Variants in TRPV3 observed in about 807,000 individuals in gnomAD.
TRPV3 encodes transient receptor potential cation channel subfamily V member 3, also known as VRL-3.
In TRPV3, 88 loss-of-function variants were observed where a neutral mutation model predicts 87.1. That is an observed-to-expected ratio of 1.01 (90% CI 0.85 to 1.21). TRPV3 has a LOEUF of 1.21. Among genes scored for constraint, TRPV3 ranks in the 50% most tolerant of loss-of-function variants. The probability of loss-of-function intolerance (pLI) is 0.00; values close to 1 mark genes in which losing one functional copy is unlikely to be tolerated. For synonymous variants in TRPV3, 438 were observed against 423.3 expected (o/e 1.03, Z -0.43); for missense variants, 1,054 against 1,030.1 (o/e 1.02, Z -0.32).
Position 3,512,292 on chromosome 17 carries a change from G to C in TRPV3, c.*1625C>G, listed in dbSNP as rs886052847. On this transcript the variant is annotated 3_prime_UTR_variant, in exon 18 of 18. Transcript: ENST00000576742. ...CACGCGATTACTCCCTGGGTCAGCT[G>C]GGAGGGCAGGGGCTGCTGTGGATTG... 5 of 147,382 alleles carry C rather than the reference G, an allele frequency of 3.4e-5. No individual in the cohort carries two copies. The highest frequency in any genetic ancestry group is 2.1e-4 in the Admixed American group (3 of 14,396). 9.1% of individuals were successfully genotyped at this position (147,382 alleles called of 1,614,324 possible). A position where few individuals can be genotyped will look rare whatever the true frequency, so the allele number is the denominator to read the frequency against.
chr17:3,533,559 T>C (rs893644223), intron 7 of TRPV3, among the ~76,000 whole-genome samples: 1 of 150,074 alleles, frequency 6.7e-6, no homozygotes, highest in Non-Finnish European at 1.5e-5. Context: ...AGTGCAGTGG[T>C]GCGATCTCGC....
chr17:3,543,527 A>G lies in TRPV3; in HGVS notation c.413T>C (p.Leu138Ser). ...GCAAAGCTCCTGCAGCTCCACCAGCAACTCTACCAACTCCTCCACGCAGCC... is the reference window on the plus strand; with the variant it reads ...GCAAAGCTCCTGCAGCTCCACCAGCGACTCTACCAACTCCTCCACGCAGCC... ...SEGCVEELVE[L>S]LVELQELCRR... The change falls in exon 5 of 18, where the codon TTG becomes TCG. Residue 138 changes from leucine (L) to serine (S), a missense_variant. Physicochemically the swap from Leu to Ser is moderately radical, Grantham distance 145. Transcript: ENST00000576742. 3 of 1,614,018 alleles carry G rather than the reference A, an allele frequency of 1.9e-6. No homozygotes were observed. Among genetic ancestry groups the G allele is most frequent in the Non-Finnish European group, 2.5e-6 (3 of 1,180,030 alleles).
Position 3,530,210 on chromosome 17 carries a change from C to T in TRPV3, c.1066-7G>A. 2.5e-6 allele frequency: 4 copies of T among 1,607,668 alleles called. No individual in the cohort carries two copies. Among genetic ancestry groups the T allele is most frequent in the Non-Finnish European group, 3.4e-6 (4 of 1,176,120 alleles). On this transcript the variant is annotated splice_region_variant and splice_polypyrimidine_tract_variant and intron_variant, in intron 8 of 17. Coordinates refer to ENST00000576742, the MANE Select transcript of TRPV3 (RefSeq NM_145068.4). This position sits in a 1 kb window ranked among gnomAD's most constrained non-coding sequence, Gnocchi z 4.0. ...TGAGGATGTACTTCAGGATCTGGGA[C>T]AGGAGGAGGAACAACCATCAGCTGC...
intron 6 of TRPV3, among the ~76,000 whole-genome samples, chr17:3,538,776 G>T (rs930688006): frequency 2.0e-5 from 3 of 152,094 alleles, no homozygotes; most frequent in African/African-American, 7.2e-5. Context: ...GTAGAGATGG[G>T]TTTTCACCAT....
intron 16 of TRPV3, among the ~76,000 whole-genome samples, chr17:3,515,498 T>G (rs1258373733): frequency 2.0e-5 from 3 of 151,942 alleles, no homozygotes; most frequent in Non-Finnish European, 4.4e-5. Context: ...TCGTCTCTAA[T>G]AAAAATACAA....
chr17:3,525,150 G>A (rs1267231425), intron 12 of TRPV3, among the ~76,000 whole-genome samples: 1 of 151,128 alleles, frequency 6.6e-6, no homozygotes, highest in African/African-American at 2.4e-5. Flanking sequence ...CTCCCTAGTA[G>A]CTGGGATTAC....
intron 12 of TRPV3, 87 bp downstream of exon 12, chr17:3,526,767 A>T: frequency 9.4e-7 from 1 of 1,066,006 alleles, no homozygotes; most frequent in Non-Finnish European, 1.4e-6. Flanking sequence ...ACAGTAGGAT[A>T]TTTGTTCAAG....
At chr17:3,543,440 A>G (rs1259695194) in intron 5 of TRPV3, 34 bp downstream of exon 5, 2 of 1,607,566 alleles carry the variant, frequency 1.2e-6, no homozygotes, top group Non-Finnish European at 1.7e-6. Flanking sequence ...CAGGGCCCCC[A>G]GCCCTGCACC....
At chr17:3,546,661 G>C (rs2150804289) in intron 2 of TRPV3, 1 of 456,080 alleles carries the variant, frequency 2.2e-6, no homozygotes, top group Non-Finnish European at 4.4e-6. Context: ...TCACGCAGCA[G>C]ATAGGTAGCA....
chr17:3,529,009 G>T lies in TRPV3; in HGVS notation c.1243-14C>A. ...CTCATGCCGGTTCTAGGGGTAGAAT[G>T]CCACCAGTCACCATGGAGATGAGGG... is the stretch of plus-strand genomic sequence containing the variant. On this transcript the variant is annotated splice_polypyrimidine_tract_variant and intron_variant, in intron 9 of 17. Transcript: ENST00000576742. 1.9e-6 allele frequency: 3 copies of T among 1,614,048 alleles called. No homozygotes were observed. Among genetic ancestry groups the T allele is most frequent in the Non-Finnish European group, 2.5e-6 (3 of 1,179,964 alleles).
intron 2 of TRPV3, among the ~76,000 whole-genome samples, chr17:3,548,888 T>G (rs1157612124): frequency 6.6e-6 from 1 of 152,208 alleles, no homozygotes; most frequent in Non-Finnish European, 1.5e-5. Context: ...TTGGGCCAGA[T>G]GATCCCTAAG....
intron 6 of TRPV3, among the ~76,000 whole-genome samples, chr17:3,541,790 C>T (rs756408894): frequency 2.6e-5 from 4 of 152,236 alleles, no homozygotes; most frequent in Non-Finnish European, 4.4e-5. Context: ...CTCATCATGT[C>T]GGCCTCAGGC....
rs886052845 is a variant in TRPV3, at chr17:3,511,977, A to C, written c.*1940T>G. 2.0e-5 allele frequency: 3 copies of C among 152,168 alleles called. No individual in the cohort carries two copies. In the East Asian group the frequency reaches 5.8e-4, roughly 29 times the overall value. 9.4% of individuals were successfully genotyped at this position (152,168 alleles called of 1,614,324 possible). ...CTGTTCAGGCTTAATGCGGGTAGCT[A>C]ACTCCAGATGTGGAATGCTGATTTG... On this transcript the variant is annotated 3_prime_UTR_variant, in exon 18 of 18. Coordinates refer to ENST00000576742, the MANE Select transcript of TRPV3 (RefSeq NM_145068.4).
intron 8 of TRPV3, 140 bp downstream of exon 8, chr17:3,532,517 G>C: frequency 3.4e-6 from 4 of 1,159,962 alleles, no homozygotes; most frequent in South Asian, 1.5e-5. Context: ...CGCCACTGCA[G>C]TTCTGGACCC....
intron 6 of TRPV3, among the ~76,000 whole-genome samples, chr17:3,541,698 C>G (rs1326832930): frequency 1.3e-5 from 2 of 152,262 alleles, no homozygotes; most frequent in Non-Finnish European, 2.9e-5. Context: ...CTGCCCGGCT[C>G]TCTTGCCTCA....
chr17:3,524,817 A>AG (rs1479193435), intron 12 of TRPV3, among the ~76,000 whole-genome samples: 1 of 151,858 alleles, frequency 6.6e-6, no homozygotes, highest in East Asian at 1.9e-4. Context: ...ACAAAAAAAA[A>AG]AAAAAAAAGA....
At chr17:3,546,876 A>G (rs413810) in intron 2 of TRPV3, 78,722 of 275,252 alleles carry the variant, frequency 0.29, 12,301 homozygotes, top group Middle Eastern at 0.35. Flanking sequence ...GCTGAGGCAG[A>G]AGAATTGCTT....
intron 15 of TRPV3, among the ~76,000 whole-genome samples, chr17:3,516,790 C>T (rs1356253531): frequency 6.6e-6 from 1 of 152,214 alleles, no homozygotes; most frequent in Non-Finnish European, 1.5e-5. Flanking sequence ...GCGTGGATCA[C>T]CTGAGGTCAG....
intron 13 of TRPV3, among the ~76,000 whole-genome samples, chr17:3,522,844 A>C (rs896649619): frequency 3.3e-5 from 5 of 151,856 alleles, no homozygotes; most frequent in African/African-American, 1.2e-4. Flanking sequence ...AAAAGCAAAA[A>C]TTATTCTAAG....
Sources: gnomAD v4.1 joint callset for allele counts (sites outside exome capture counted in the v4.1 genomes callset) on GRCh38, gnomAD v4.1.1 for gene constraint, Gnocchi (gnomAD v3.1) non-coding constraint, MANE v1.5 for transcripts, NCBI Gene and HGNC (gene_info 2026-07-23, HGNC 2026-07-21) for gene names.